Variants in CLNK observed in about 807,000 individuals in gnomAD.
CLNK encodes the protein cytokine-dependent hematopoietic cell linker.
In CLNK, 74 loss-of-function variants were observed where a neutral mutation model predicts 68.6. The ratio of observed to expected loss-of-function variants is 1.08; its 90% confidence interval spans 0.89 to 1.31. The LOEUF (loss-of-function observed/expected upper bound fraction) is 1.31, where lower values mean the gene tolerates loss of function less well. CLNK is among the 50% of genes most tolerant of loss of function. CLNK has a pLI of 0.00. For missense variants in CLNK, 553 were observed against 515.3 expected, an observed-to-expected ratio of 1.07 and a Z score of -0.71; for synonymous variants, 198 against 172.2, an observed-to-expected ratio of 1.15 and a Z score of -1.17.
At chr4:10,695,405 T>C in the CLNK span, among the ~76,000 whole-genome samples, 1 of 152,120 alleles carries the variant, frequency 6.6e-6, no homozygotes, top group Non-Finnish European at 1.5e-5. Flanking sequence ...AGGAAGGAGA[T>C]TGAAGCTGTG....
In CLNK at chr4:10,653,229, T is replaced by G. The variant is rs147117693; in HGVS notation, c.11+14630A>C. On this transcript the variant is annotated intron_variant, in intron 2 of 18. Coordinates refer to ENST00000226951, the MANE Select transcript of CLNK (RefSeq NM_052964.4). ...AGGGGAGGGATAGAATTAGGAGAAA[T>G]ACCCAATGTAGATGACAGGTTGATG... Among the ~76,000 whole-genome samples, 434 of 152,106 alleles carry G rather than the reference T, an allele frequency of 2.9e-3. 1 individual carries two copies. The highest frequency in any genetic ancestry group is 7.3e-3 in the Admixed American group (112 of 15,260).
At chr4:10,642,460 A>G (rs1723344058) in intron 2 of CLNK, among the ~76,000 whole-genome samples, 1 of 152,218 alleles carries the variant, frequency 6.6e-6, no homozygotes, top group Non-Finnish European at 1.5e-5. Flanking sequence ...CCCTAAAGGT[A>G]GACCAGTTGG....
intron 2 of CLNK, among the ~76,000 whole-genome samples, chr4:10,601,752 G>T (rs926085846): frequency 2.0e-5 from 3 of 152,164 alleles, no homozygotes; most frequent in African/African-American, 7.2e-5. Flanking sequence ...AACATTTGGG[G>T]CCAGCTGCCT....
intron 11 of CLNK, among the ~76,000 whole-genome samples, chr4:10,536,782 T>A (rs1718776498): frequency 6.6e-6 from 1 of 152,056 alleles, no homozygotes; most frequent in Non-Finnish European, 1.5e-5. Flanking sequence ...TAAAAATGAT[T>A]AAATAAAAGT....
At chr4:10,508,614 T>C (rs571830145) in intron 16 of CLNK, among the ~76,000 whole-genome samples, 1 of 152,280 alleles carries the variant, frequency 6.6e-6, no homozygotes, top group African/African-American at 2.4e-5. Context: ...GGAAGGGCAG[T>C]CAGGGAGATG....
the CLNK span, among the ~76,000 whole-genome samples, chr4:10,713,799 C>T: frequency 6.6e-6 from 1 of 152,142 alleles, no homozygotes; most frequent in Non-Finnish European, 1.5e-5. Flanking sequence ...CATGTGACAA[C>T]CAAGCAGATG....
intron 1 of CLNK, among the ~76,000 whole-genome samples, chr4:10,678,189 T>C (rs1010380609): frequency 2.0e-5 from 3 of 152,212 alleles, no homozygotes; most frequent in African/African-American, 7.2e-5. Context: ...TCAACCCAGG[T>C]ATGCTGAATT....
the CLNK span, among the ~76,000 whole-genome samples, chr4:10,721,935 T>C: frequency 6.6e-6 from 1 of 152,052 alleles, no homozygotes; most frequent in Non-Finnish European, 1.5e-5. Flanking sequence ...CCAGCACTTT[T>C]AGAGGACAAG....
At chr4:10,716,800 T>G in the CLNK span, among the ~76,000 whole-genome samples, 1 of 151,170 alleles carries the variant, frequency 6.6e-6, no homozygotes, top group African/African-American at 2.4e-5. Flanking sequence ...TTCAAGCAAT[T>G]CTCCTGCCCC....
At chr4:10,709,246 A>G in the CLNK span, among the ~76,000 whole-genome samples, 1 of 152,244 alleles carries the variant, frequency 6.6e-6, no homozygotes, top group African/African-American at 2.4e-5. Context: ...TAGACTATCT[A>G]TAAATTTCAT....
chr4:10,676,475 T>A (rs566458408), intron 1 of CLNK, among the ~76,000 whole-genome samples: 1 of 149,666 alleles, frequency 6.7e-6, no homozygotes, highest in East Asian at 2.0e-4. Context: ...TATAAAATTT[T>A]GCAACTGTCC....
At chr4:10,712,437 T>C in the CLNK span, among the ~76,000 whole-genome samples, 116,817 of 152,126 alleles carry the variant, frequency 0.77, 45,121 homozygotes, top group Admixed American at 0.83. Flanking sequence ...CTGGCTCATT[T>C]CTGCAAATAG....
At chr4:10,665,716 C>G (rs2108891853) in intron 2 of CLNK, among the ~76,000 whole-genome samples, 1 of 146,578 alleles carries the variant, frequency 6.8e-6, no homozygotes, top group South Asian at 2.3e-4. Context: ...GGGTGGAAAT[C>G]TCAGCTGCAA....
intron 2 of CLNK, among the ~76,000 whole-genome samples, chr4:10,667,315 C>G (rs1469777374): frequency 6.6e-6 from 1 of 150,472 alleles, no homozygotes; most frequent in Non-Finnish European, 1.5e-5. Context: ...CAAACTTTGC[C>G]AATTTCAAAG....
the CLNK span, among the ~76,000 whole-genome samples, chr4:10,732,611 G>T: frequency 6.6e-6 from 1 of 152,152 alleles, no homozygotes; most frequent in South Asian, 2.1e-4. Flanking sequence ...AAGTTCCATG[G>T]CAATCAAAGA....
At chr4:10,664,229 TAA>T (rs11286491) in intron 2 of CLNK, among the ~76,000 whole-genome samples, 75 of 150,468 alleles carry the variant, frequency 5.0e-4, no homozygotes, top group East Asian at 1.4e-3. Context: ...CATTAACAAG[TAA>T]AAAAAAAAAA....
chr4:10,559,007 G>A (rs1273835599), intron 7 of CLNK, among the ~76,000 whole-genome samples: 1 of 152,108 alleles, frequency 6.6e-6, no homozygotes, highest in Non-Finnish European at 1.5e-5. Flanking sequence ...TTGAGGACGG[G>A]ACGACAACAC....
intron 8 of CLNK, among the ~76,000 whole-genome samples, chr4:10,543,536 G>A (rs752942611): frequency 5.6e-4 from 85 of 152,118 alleles, no homozygotes; most frequent in Admixed American, 5.1e-3. Flanking sequence ...GTGCCTGGGC[G>A]CAGGGGGACT....
intron 15 of CLNK, among the ~76,000 whole-genome samples, chr4:10,515,380 T>C (rs1187618779): frequency 6.6e-6 from 1 of 152,210 alleles, no homozygotes; most frequent in African/African-American, 2.4e-5. Context: ...GTCTACTCTG[T>C]TCTGTGTGTA....
Sources: gnomAD v4.1 joint callset for allele counts (sites outside exome capture counted in the v4.1 genomes callset) on GRCh38, gnomAD v4.1.1 for gene constraint, MANE v1.5 for transcripts, NCBI Gene and HGNC (gene_info 2026-07-23, HGNC 2026-07-21) for gene names.